TMEM108: variants seen among roughly 807,000 people sequenced by gnomAD.
TMEM108 encodes transmembrane protein 108.
In TMEM108, 12 loss-of-function variants were observed where a neutral mutation model predicts 35.1. The observed-to-expected ratio is 0.34, with a 90% CI of 0.22 to 0.55. TMEM108 has a LOEUF of 0.55. Ranked by LOEUF, TMEM108 falls within the 20% of genes least tolerant of loss-of-function variation. The pLI, the probability that TMEM108 is intolerant of heterozygous loss-of-function variation, is 0.89. For missense variants in TMEM108, 680 were observed against 753.3 expected, an observed-to-expected ratio of 0.90 and a Z score of 1.14; for synonymous variants, 287 against 308.6, an observed-to-expected ratio of 0.93 and a Z score of 0.73.
chr3:133,291,535 C>T (rs926637065), intron 3 of TMEM108, among the ~76,000 whole-genome samples: 12 of 152,134 alleles, frequency 7.9e-5, no homozygotes, highest in African/African-American at 2.4e-4. Flanking sequence ...ACCTGGGGCT[C>T]CCAAAGTGCT....
intron 3 of TMEM108, among the ~76,000 whole-genome samples, chr3:133,336,742 C>CT (rs2071513566): frequency 6.6e-6 from 1 of 151,258 alleles, no homozygotes; most frequent in Admixed American, 6.6e-5. Flanking sequence ...CAAGGGGGCT[C>CT]TTAGGGTCTC....
intron 2 of TMEM108, among the ~76,000 whole-genome samples, chr3:133,078,350 T>C (rs1180928836): frequency 1.3e-5 from 2 of 152,082 alleles, no homozygotes; most frequent in African/African-American, 2.4e-5. Flanking sequence ...AATTCTTAAG[T>C]ATTAGAAGAC....
At chr3:133,386,760 T>G (rs951906882) in intron 4 of TMEM108, 4 of 1,188,572 alleles carry the variant, frequency 3.4e-6, no homozygotes, top group East Asian at 7.1e-5. Flanking sequence ...TCTGCATATG[T>G]CATCTCTATA....
chr3:133,243,672 C>G (rs761190922), intron 3 of TMEM108, among the ~76,000 whole-genome samples: 1 of 152,096 alleles, frequency 6.6e-6, no homozygotes, highest in Non-Finnish European at 1.5e-5. Flanking sequence ...AGGCGCCTGC[C>G]ACCACGCCCG....
intron 3 of TMEM108, among the ~76,000 whole-genome samples, chr3:133,269,086 A>G (rs952984273): frequency 1.2e-4 from 18 of 152,210 alleles, no homozygotes; most frequent in Admixed American, 1.2e-3. Context: ...GGCAAGTGCC[A>G]TCTGCCAACA....
intron 3 of TMEM108, among the ~76,000 whole-genome samples, chr3:133,265,340 C>T (rs1946682742): frequency 6.6e-6 from 1 of 152,120 alleles, no homozygotes; most frequent in Admixed American, 6.5e-5. Flanking sequence ...TAAAATGGGT[C>T]CTTGAGCTCC....
intron 2 of TMEM108, among the ~76,000 whole-genome samples, chr3:133,210,633 G>C (rs373108173): frequency 2.6e-5 from 4 of 152,170 alleles, no homozygotes; most frequent in African/African-American, 9.7e-5. Flanking sequence ...ATGATATAAA[G>C]CTATTGTATT....
intron 3 of TMEM108, among the ~76,000 whole-genome samples, chr3:133,326,609 T>A (rs1330492170): frequency 6.6e-6 from 1 of 152,130 alleles, no homozygotes; most frequent in African/African-American, 2.4e-5. Context: ...AATGAATCGA[T>A]GAAGAGGTGG....
intron 2 of TMEM108, among the ~76,000 whole-genome samples, chr3:133,177,348 C>T (rs1419908639): frequency 6.6e-6 from 1 of 152,126 alleles, no homozygotes; most frequent in African/African-American, 2.4e-5. Flanking sequence ...CAAAGCCTGG[C>T]AGAGACACAA....
intron 2 of TMEM108, among the ~76,000 whole-genome samples, chr3:133,174,425 C>A (rs1945179615): frequency 1.3e-5 from 2 of 152,168 alleles, no homozygotes; most frequent in African/African-American, 4.8e-5. Flanking sequence ...GGAGGCACCC[C>A]CCAGTAGGGG....
intron 2 of TMEM108, among the ~76,000 whole-genome samples, chr3:133,091,997 A>G (rs913472653): frequency 5.3e-5 from 8 of 152,216 alleles, no homozygotes; most frequent in African/African-American, 1.9e-4. Flanking sequence ...GTCTAATAAG[A>G]TGCTGAGTCT....
At chr3:133,329,018 C>A (rs1477737654) in intron 3 of TMEM108, among the ~76,000 whole-genome samples, 1 of 151,584 alleles carries the variant, frequency 6.6e-6, no homozygotes, top group East Asian at 1.9e-4. Context: ...ACACCCACCC[C>A]CAACCCCTGC....
intron 2 of TMEM108, among the ~76,000 whole-genome samples, chr3:133,223,322 G>A (rs67625558): frequency 0.13 from 19,979 of 152,154 alleles, 1,426 homozygotes; most frequent in South Asian, 0.22. Flanking sequence ...TGGAGTCTTC[G>A]GGCAGCCTGG....
At chr3:133,272,222 A>G (rs1207539820) in intron 3 of TMEM108, among the ~76,000 whole-genome samples, 1 of 149,194 alleles carries the variant, frequency 6.7e-6, no homozygotes, top group South Asian at 2.1e-4. Context: ...GCGGAGGGGT[A>G]TGTGGAGTAT....
At chr3:133,335,683 A>T (rs984704046) in intron 3 of TMEM108, among the ~76,000 whole-genome samples, 5 of 152,160 alleles carry the variant, frequency 3.3e-5, no homozygotes, top group African/African-American at 1.2e-4. Flanking sequence ...TTGTTCCCCC[A>T]TGCGGGAACA....
At chr3:133,350,191 A>C (rs1190236471) in intron 3 of TMEM108, among the ~76,000 whole-genome samples, 1 of 152,154 alleles carries the variant, frequency 6.6e-6, no homozygotes, top group Non-Finnish European at 1.5e-5. Context: ...CAAATACTAC[A>C]TGATCTCACC....
chr3:133,082,107 A>C (rs1171091778), intron 2 of TMEM108, among the ~76,000 whole-genome samples: 1 of 152,218 alleles, frequency 6.6e-6, no homozygotes, highest in Non-Finnish European at 1.5e-5. Context: ...TGACCTCTGC[A>C]GTCTGCTTTG....
chr3:133,049,965 T>C (rs1943383892), intron 2 of TMEM108, among the ~76,000 whole-genome samples: 1 of 152,188 alleles, frequency 6.6e-6, no homozygotes, highest in South Asian at 2.1e-4. Flanking sequence ...AACAGACATA[T>C]TACAGCACAG....
chr3:133,300,135 C>G (rs1401895633), intron 3 of TMEM108, among the ~76,000 whole-genome samples: 2 of 152,104 alleles, frequency 1.3e-5, no homozygotes, highest in African/African-American at 2.4e-5. Context: ...TTGAAAGCCT[C>G]CAAAATGTTT....
Sources: allele counts gnomAD v4.1 joint callset (sites outside exome capture counted in the v4.1 genomes callset), GRCh38; gene constraint gnomAD v4.1.1; transcripts MANE v1.5; gene names NCBI Gene and HGNC (gene_info 2026-07-23, HGNC 2026-07-21).